The following ASH2L variants were observed in gnomAD, a reference collection of about 807,000 sequenced individuals.
ASH2L encodes the protein ASH2 like, histone lysine methyltransferase complex subunit.
ASH2L carries 30 observed loss-of-function variants against 81.1 expected under a neutral mutation model. That is an observed-to-expected ratio of 0.37 (90% confidence interval 0.28 to 0.50). ASH2L has a LOEUF of 0.50. ASH2L is among the 20% of genes least tolerant of loss of function. ASH2L has a pLI of 0.95. For missense variants in ASH2L, 559 were observed against 792.1 expected (o/e 0.71, Z 3.53); for synonymous variants, 273 against 279.9 (o/e 0.98, Z 0.24).
In ASH2L at chr8:38,106,417, A is replaced by G. The variant is rs1810435931; in HGVS notation, c.228A>G (p.Thr76=). 3 of 1,614,144 alleles carry G rather than the reference A, an allele frequency of 1.9e-6. No individual in the cohort carries two copies. Among genetic ancestry groups the G allele is most frequent in the Non-Finnish European group, 2.5e-6 (3 of 1,179,978 alleles). ...TCGATGTAAGCGGTGGCTTGGAGAC[A>G]GAATCATCTAATGGAAAAGATACAC... is the stretch of plus-strand genomic sequence containing the variant. The part of the protein sequence containing the change: ...NLVDVSGGLE[T]ESSNGKDTLE... The change falls in exon 2 of 16, where the codon ACA becomes ACG. Residue 76 remains threonine, a synonymous_variant. Coordinates refer to ENST00000343823, the MANE Select transcript of ASH2L (RefSeq NM_004674.5).
intron 13 of ASH2L, 66 bp from the exon 14 acceptor site, chr8:38,135,602 T>C (rs1802219281): frequency 8.3e-7 from 1 of 1,210,556 alleles, no homozygotes; most frequent in Non-Finnish European, 1.2e-6. Context: ...CATATTTTCC[T>C]AGAGAGTTCT....
chr8:38,137,216 C>T (rs1333162332), intron 14 of ASH2L, among the ~76,000 whole-genome samples: 7 of 151,730 alleles, frequency 4.6e-5, no homozygotes, highest in East Asian at 3.9e-4. Context: ...TCCTGGCCAA[C>T]GTGGTGAAAC....
intron 1 of ASH2L, chr8:38,105,989 C>T (rs1452373832): frequency 6.5e-7 from 1 of 1,530,880 alleles, no homozygotes; most frequent in Non-Finnish European, 8.7e-7. Context: ...TGGCAGGAAG[C>T]TGGTAGCTCA....
intron 5 of ASH2L, among the ~76,000 whole-genome samples, chr8:38,111,340 C>T (rs111965375): frequency 0.083 from 12,601 of 152,280 alleles, 700 homozygotes; most frequent in Middle Eastern, 0.16. Context: ...TTGCCTTCCT[C>T]GGCCTCTCAA....
Position 38,138,993 on chromosome 8 carries a change from A to G in ASH2L, c.1809A>G (p.Val603=). The G allele has an allele frequency of 6.2e-7, 1 of 1,613,936 alleles. No homozygotes were observed. Among genetic ancestry groups the G allele is most frequent in the Non-Finnish European group, 8.5e-7 (1 of 1,179,886 alleles). ...PMSDMGWGAV[V]EHTLADVLYH... is the part of the protein sequence containing the mutation. ...GTGACATGGGCTGGGGCGCCGTGGT[A>G]GAGCACACCCTGGCTGACGTCTTGT... is the stretch of plus-strand genomic sequence containing the variant. The change falls in exon 16 of 16, where the codon GTA becomes GTG. Residue 603 remains valine, a synonymous_variant. Transcript: ENST00000343823.
At chr8:38,127,265 C>A (rs1801887659) in intron 10 of ASH2L, among the ~76,000 whole-genome samples, 1 of 148,724 alleles carries the variant, frequency 6.7e-6, no homozygotes, top group Admixed American at 6.8e-5. Flanking sequence ...GCCACGAGTT[C>A]AAGGCTATGG....
At chr8:38,135,532 T>C in intron 13 of ASH2L, 136 bp from the exon 14 acceptor site, 1 of 569,922 alleles carries the variant, frequency 1.8e-6, no homozygotes, top group Non-Finnish European at 3.1e-6. Context: ...ATGTTGTTAT[T>C]ACACAAGTTA....
chr8:38,135,295 A>T (rs981736170), intron 13 of ASH2L, among the ~76,000 whole-genome samples: 1 of 152,148 alleles, frequency 6.6e-6, no homozygotes, highest in Non-Finnish European at 1.5e-5. Flanking sequence ...AAAAAATTTT[A>T]AAAATTAGCT....
At chr8:38,111,981 A>T (rs1226504745) in intron 5 of ASH2L, among the ~76,000 whole-genome samples, 3 of 152,176 alleles carry the variant, frequency 2.0e-5, no homozygotes, top group African/African-American at 7.2e-5. Flanking sequence ...TTTAGTTGTA[A>T]TGACTGTTTT....
intron 13 of ASH2L, among the ~76,000 whole-genome samples, chr8:38,133,978 G>A (rs1802158751): frequency 6.6e-6 from 1 of 152,184 alleles, no homozygotes; most frequent in Admixed American, 6.5e-5. Context: ...TCTGTACTAA[G>A]AAAAATTCTT....
chr8:38,110,814 C>A lies in ASH2L; in HGVS notation c.566C>A (p.Thr189Lys). The stretch of plus-strand genomic sequence containing the variant: ...CGAACACAGGATGAACATCCGAAGA[C>A]AATGTTCTCCAAAGATAAGGTAGAG... ...QSRTQDEHPK[T>K]MFSKDKDIIP... is the part of the protein sequence containing the mutation. The change falls in exon 5 of 16, where the codon ACA (threonine) becomes AAA (lysine). Residue 189 changes from threonine to lysine, a missense_variant. By Grantham distance (78) the Thr-to-Lys change is moderately conservative. This residue lies in a region of ASH2L where 318 missense variants were observed against 527.0 expected (regional missense o/e 0.60). Coordinates refer to ENST00000343823, the MANE Select transcript of ASH2L (RefSeq NM_004674.5). 1 of 1,613,436 alleles carries A rather than the reference C, an allele frequency of 6.2e-7. No individual in the cohort carries two copies.
At position 38,133,536 on chromosome 8, in the gene ASH2L, C is replaced by G. The variant is rs779252951; in HGVS notation, c.1610C>G (p.Pro537Arg). The stretch of plus-strand genomic sequence containing the variant: ...GCAGAGAAGAGCCTGAAGCAGACTC[C>G]CCATAGTGAGGTGAGTCATGGCCAT... ...DKAEKSLKQT[P>R]HSEIIFYKNG... Residue 537 changes from proline (P) to arginine (R), a missense_variant, in exon 13 of 16, where the codon CCC becomes CGC. Around this residue, in one of 4 missense-constraint regions of ASH2L, gnomAD observed 95 missense variants for 130.7 expected, o/e 0.73. Transcript: ENST00000343823. The G allele has an allele frequency of 6.2e-7, 1 of 1,607,608 alleles. No individual in the cohort carries two copies. Among genetic ancestry groups the G allele is most frequent in the African/African-American group, 1.3e-5 (1 of 74,674 alleles).
chr8:38,135,007 T>C (rs1245013651), intron 13 of ASH2L, among the ~76,000 whole-genome samples: 1 of 151,668 alleles, frequency 6.6e-6, no homozygotes, highest in Non-Finnish European at 1.5e-5. Flanking sequence ...CAAGCACGCT[T>C]AAACAGGTGT....
chr8:38,121,272 C>G (rs1226350556), intron 10 of ASH2L, 123 bp downstream of exon 10: 1 of 738,394 alleles, frequency 1.4e-6, no homozygotes, highest in African/African-American at 1.8e-5. Context: ...CCATCTCTGT[C>G]TAGATTCATC....
chr8:38,110,595 T>A, intron 4 of ASH2L, 128 bp downstream of exon 4: 1 of 1,139,586 alleles, frequency 8.8e-7, no homozygotes, highest in Non-Finnish European at 1.3e-6. Flanking sequence ...TAGCTCTGAA[T>A]AATTGCAATT....
At chr8:38,121,174 T>A (rs762901485) in intron 10 of ASH2L, 25 bp downstream of exon 10, 1 of 1,600,322 alleles carries the variant, frequency 6.2e-7, no homozygotes, top group Non-Finnish European at 8.6e-7. Context: ...GGAGATCATA[T>A]GGATGCAGGG....
At chr8:38,131,281 G>T (rs1802049283) in intron 12 of ASH2L, among the ~76,000 whole-genome samples, 1 of 151,926 alleles carries the variant, frequency 6.6e-6, no homozygotes, top group South Asian at 2.1e-4. Flanking sequence ...ACAGAGGTCT[G>T]CACTTAAAAG....
Position 38,107,289 on chromosome 8 carries a change from C to T in ASH2L, c.401+123C>T, listed in dbSNP as rs1458186145. 4.0e-6 allele frequency: 5 copies of T among 1,236,862 alleles called. No homozygotes were observed. The African/African-American group carries it at 4.5e-5, about 11-fold the overall frequency. The allele number at this position is 1,236,862 out of a possible 1,614,324, so 76.6% of individuals were successfully genotyped here. A position where few individuals can be genotyped will look rare whatever the true frequency, so the allele number is the denominator to read the frequency against. The stretch of plus-strand genomic sequence containing the variant: ...CCTATGTCTCCTAACCCCTATTCAG[C>T]AAGTAGGATGTTGAATCAGGAGTTG... On this transcript the variant is annotated intron_variant, in intron 3 of 15. Transcript: ENST00000343823.
chr8:38,108,341 A>C (rs947261686), intron 3 of ASH2L, among the ~76,000 whole-genome samples: 2 of 152,164 alleles, frequency 1.3e-5, no homozygotes, highest in African/African-American at 4.8e-5. Flanking sequence ...TTGCCAGAAA[A>C]ATTTGTTTGG....
Sources: allele counts gnomAD v4.1 joint callset (sites outside exome capture counted in the v4.1 genomes callset), GRCh38; gene constraint gnomAD v4.1.1; regional missense constraint gnomAD v4.1.1; transcripts MANE v1.5; gene names NCBI Gene and HGNC (gene_info 2026-07-23, HGNC 2026-07-21).